GALNTL6: variants seen among roughly 807,000 people sequenced by gnomAD.
GALNTL6 encodes the protein polypeptide N-acetylgalactosaminyltransferase-like 6.
A neutral mutation model predicts 73.7 loss-of-function variants in GALNTL6; 46 were observed. The observed-to-expected ratio is 0.62, with a 90% CI of 0.49 to 0.80. The LOEUF is 0.80. Ranked by LOEUF, GALNTL6 falls within the 30% of genes least tolerant of loss-of-function variation. The pLI, the probability that GALNTL6 is intolerant of heterozygous loss-of-function variation, is 0.00. For synonymous variants in GALNTL6, 259 were observed against 263.7 expected (o/e 0.98, Z 0.17); for missense variants, 604 against 755.0 (o/e 0.80, Z 2.34).
intron 8 of GALNTL6, among the ~76,000 whole-genome samples, chr4:172,919,915 C>G (rs559911507): frequency 6.6e-6 from 1 of 152,164 alleles, no homozygotes; most frequent in East Asian, 1.9e-4. Context: ...TCCCCGCCCC[C>G]AAATCGCTGT....
chr4:172,220,954 T>G (rs1736652309), intron 2 of GALNTL6, among the ~76,000 whole-genome samples: 1 of 151,866 alleles, frequency 6.6e-6, no homozygotes, highest in Non-Finnish European at 1.5e-5. Flanking sequence ...ATAGGCATAT[T>G]TTAGGAATAT....
At chr4:172,144,896 T>C (rs909265413) in intron 2 of GALNTL6, among the ~76,000 whole-genome samples, 1 of 152,186 alleles carries the variant, frequency 6.6e-6, no homozygotes, top group East Asian at 1.9e-4. Flanking sequence ...ATTTTCATTT[T>C]GTGTTAAATG....
chr4:172,063,606 T>C (rs1200160075), intron 2 of GALNTL6, among the ~76,000 whole-genome samples: 1 of 152,170 alleles, frequency 6.6e-6, no homozygotes, highest in East Asian at 1.9e-4. Context: ...CAATTGTTTA[T>C]TAACCCAAAA....
intron 2 of GALNTL6, among the ~76,000 whole-genome samples, chr4:171,954,871 C>G (rs28756913): frequency 0.017 from 2,514 of 152,254 alleles, 74 homozygotes; most frequent in African/African-American, 0.057. Context: ...CTCTCTTCCT[C>G]CTGCTCTGGC....
chr4:172,543,430 C>T (rs1231481409), intron 5 of GALNTL6, among the ~76,000 whole-genome samples: 1 of 152,112 alleles, frequency 6.6e-6, no homozygotes, highest in African/African-American at 2.4e-5. Context: ...TCCTGTGCGC[C>T]CATGCAAACT....
chr4:172,656,897 C>A (rs1426789908), intron 5 of GALNTL6, among the ~76,000 whole-genome samples: 1 of 151,640 alleles, frequency 6.6e-6, no homozygotes, highest in African/African-American at 2.4e-5. Flanking sequence ...ATCTATAATG[C>A]AATATTATTG....
At chr4:172,241,036 AG>A (rs1423879241) in intron 3 of GALNTL6, among the ~76,000 whole-genome samples, 1 of 152,182 alleles carries the variant, frequency 6.6e-6, no homozygotes, top group African/African-American at 2.4e-5. Context: ...ACATTTTCAG[AG>A]GGTCAAGGTT....
At chr4:172,906,741 GC>G (rs759072877) in intron 8 of GALNTL6, among the ~76,000 whole-genome samples, 1 of 152,164 alleles carries the variant, frequency 6.6e-6, no homozygotes, top group Non-Finnish European at 1.5e-5. Flanking sequence ...TTGCCATGTG[GC>G]CCCCTCCAGG....
intron 10 of GALNTL6, among the ~76,000 whole-genome samples, chr4:172,983,990 C>A (rs940080869): frequency 2.1e-4 from 32 of 151,538 alleles, no homozygotes; most frequent in Non-Finnish European, 3.8e-4. Flanking sequence ...GGGGTATAGG[C>A]AAAATATCAC....
intron 3 of GALNTL6, among the ~76,000 whole-genome samples, chr4:172,233,232 G>T (rs1409822407): frequency 2.0e-5 from 3 of 150,376 alleles, no homozygotes; most frequent in Admixed American, 6.6e-5. Flanking sequence ...AAATTCATCC[G>T]GGCATGGTGA....
In GALNTL6 at chr4:171,895,570, T is replaced by C. The variant is rs190909631; in HGVS notation, c.138+80852T>C. On this transcript the variant is annotated intron_variant, in intron 2 of 12. Transcript: ENST00000506823. The stretch of plus-strand genomic sequence containing the variant: ...AAGACTAAGACAAGACAAAACTAAC[T>C]AACTGAAAATTACTCATGGAAGAAG... 5.7e-3 allele frequency among the ~76,000 whole-genome samples: 875 copies of C among 152,204 alleles called. 10 individuals carry two copies. The highest frequency in any genetic ancestry group is 0.02 in the African/African-American group (818 of 41,550).
At chr4:172,523,741 A>G (rs1403771235) in intron 5 of GALNTL6, among the ~76,000 whole-genome samples, 1 of 151,796 alleles carries the variant, frequency 6.6e-6, no homozygotes, top group African/African-American at 2.4e-5. Flanking sequence ...CCTTCTGTAA[A>G]CTCTTAAGTG....
intron 2 of GALNTL6, among the ~76,000 whole-genome samples, chr4:171,883,803 A>G (rs1339750782): frequency 1.3e-5 from 2 of 151,638 alleles, no homozygotes; most frequent in Non-Finnish European, 2.9e-5. Flanking sequence ...GCCTGCCACC[A>G]CACCTGGCTA....
chr4:172,158,625 G>C (rs555788250), intron 2 of GALNTL6, among the ~76,000 whole-genome samples: 1 of 152,142 alleles, frequency 6.6e-6, no homozygotes, highest in South Asian at 2.1e-4. Flanking sequence ...ATCATGAACA[G>C]AATTTTATGA....
intron 2 of GALNTL6, among the ~76,000 whole-genome samples, chr4:171,922,734 T>C (rs1282174217): frequency 6.6e-6 from 1 of 152,154 alleles, no homozygotes; most frequent in African/African-American, 2.4e-5. Context: ...AATTGTTTAT[T>C]TAATATTGTT....
At chr4:171,866,035 A>T (rs899690822) in intron 2 of GALNTL6, among the ~76,000 whole-genome samples, 1 of 152,186 alleles carries the variant, frequency 6.6e-6, no homozygotes, top group African/African-American at 2.4e-5. Context: ...CCAAACTCCC[A>T]CTAAAAAGAG....
intron 2 of GALNTL6, among the ~76,000 whole-genome samples, chr4:171,974,719 A>T (rs1739669103): frequency 6.7e-6 from 1 of 150,260 alleles, no homozygotes; most frequent in Non-Finnish European, 1.5e-5. Flanking sequence ...ACATTTAAGC[A>T]ATGTAATTAA....
chr4:172,635,040 G>A (rs1739602071), intron 5 of GALNTL6, among the ~76,000 whole-genome samples: 1 of 152,100 alleles, frequency 6.6e-6, no homozygotes, highest in African/African-American at 2.4e-5. Context: ...CATAATTGAG[G>A]ACTGCAAACT....
chr4:172,959,841 C>T lies in GALNTL6; in HGVS notation c.1371+7583C>T, dbSNP rs536487261. ...GATATCCAGCACTTGTAGCAAGCTCCTGGAGGAGGTGGGCCTGGAGGAATG... is the reference window on the plus strand; with the variant it reads ...GATATCCAGCACTTGTAGCAAGCTCTTGGAGGAGGTGGGCCTGGAGGAATG... On this transcript the variant is annotated intron_variant, in intron 10 of 12. Transcript: ENST00000506823. 4.6e-5 allele frequency among the ~76,000 whole-genome samples: 7 copies of T among 152,322 alleles called. No individual in the cohort carries two copies. In the South Asian group the frequency reaches 8.3e-4, roughly 18 times the overall value.
Sources: allele counts gnomAD v4.1 joint callset (sites outside exome capture counted in the v4.1 genomes callset), GRCh38; gene constraint gnomAD v4.1.1; transcripts MANE v1.5; gene names NCBI Gene and HGNC (gene_info 2026-07-23, HGNC 2026-07-21).